SPATA17: variants seen among roughly 807,000 people sequenced by gnomAD.
The protein encoded by SPATA17 is spermatogenesis-associated protein 17.
SPATA17 carries 53 observed loss-of-function variants against 62.2 expected under a neutral mutation model. That is an observed-to-expected ratio of 0.85 (90% CI 0.68 to 1.07). SPATA17 has a LOEUF of 1.07. SPATA17 is among the 50% of genes least tolerant of loss of function. The pLI is 0.00. For synonymous variants in SPATA17, 146 were observed against 146.8 expected, an observed-to-expected ratio of 0.99 and a Z score of 0.04; for missense variants, 466 against 425.5, an observed-to-expected ratio of 1.10 and a Z score of -0.84.
intron 5 of SPATA17, among the ~76,000 whole-genome samples, chr1:217,703,614 T>G (rs1671654759): frequency 6.6e-6 from 1 of 152,242 alleles, no homozygotes; most frequent in African/African-American, 2.4e-5. Context: ...ACAATGTATC[T>G]AAGAATTTAA....
intron 5 of SPATA17, among the ~76,000 whole-genome samples, chr1:217,703,414 C>T (rs187968611): frequency 3.0e-4 from 45 of 152,098 alleles, no homozygotes; most frequent in African/African-American, 9.2e-4. Flanking sequence ...TCAGGTGATC[C>T]GCTGGCCTTG....
intron 3 of SPATA17, among the ~76,000 whole-genome samples, chr1:217,665,007 T>G (rs1052305341): frequency 2.0e-5 from 3 of 152,072 alleles, no homozygotes; most frequent in African/African-American, 7.2e-5. Flanking sequence ...GTGCAGTAAT[T>G]TGATCAGATT....
intron 6 of SPATA17, among the ~76,000 whole-genome samples, chr1:217,764,444 T>G (rs1304719734): frequency 2.6e-5 from 4 of 152,168 alleles, no homozygotes; most frequent in African/African-American, 9.6e-5. Flanking sequence ...AAATATTATT[T>G]CATTGTTAGA....
At chr1:217,744,462 C>CAAAA (rs766645844) in intron 6 of SPATA17, among the ~76,000 whole-genome samples, 1,901 of 30,368 alleles carry the variant, frequency 0.063, 322 homozygotes, top group African/African-American at 0.15. Flanking sequence ...GACTCCGTCT[C>CAAAA]AAAAAAAAAA....
chr1:217,721,734 A>G (rs1672132232), intron 5 of SPATA17, among the ~76,000 whole-genome samples: 1 of 152,224 alleles, frequency 6.6e-6, no homozygotes, highest in Admixed American at 6.5e-5. Context: ...CAAGAAAAAC[A>G]TGAGAGTACT....
intron 3 of SPATA17, among the ~76,000 whole-genome samples, chr1:217,659,630 T>C (rs1411991639): frequency 2.0e-5 from 3 of 152,088 alleles, no homozygotes; most frequent in Non-Finnish European, 2.9e-5. Flanking sequence ...TCCTGATCCA[T>C]ATATATCTAT....
In SPATA17 at chr1:217,649,766, C is replaced by T. The variant is rs535677357; in HGVS notation, c.158+795C>T. Among the ~76,000 whole-genome samples, 12 of 150,346 alleles carry T rather than the reference C, an allele frequency of 8.0e-5. No individual in the cohort carries two copies. The East Asian group carries it at 2.3e-3, about 29-fold the overall frequency. On this transcript the variant is annotated intron_variant, in intron 2 of 10. Transcript: ENST00000366933. ...TTTTTTTTCAGTGCCCAAACTTTCC[C>T]TCAGTGTCCCATCAATTCTTAAAAA...
chr1:217,678,743 A>G (rs1671011057), intron 4 of SPATA17, among the ~76,000 whole-genome samples: 1 of 152,164 alleles, frequency 6.6e-6, no homozygotes, highest in Non-Finnish European at 1.5e-5. Flanking sequence ...CATTGATTTG[A>G]CTAGCTTAAG....
chr1:217,749,985 C>CTCTCTCTGTATATA, intron 6 of SPATA17, among the ~76,000 whole-genome samples: 2 of 12,316 alleles, frequency 1.6e-4, no homozygotes, highest in African/African-American at 6.1e-4. Flanking sequence ...CTCTCTCTCT[C>CTCTCTCTGTATATA]TATATATATA....
intron 8 of SPATA17, among the ~76,000 whole-genome samples, chr1:217,792,679 C>T (rs1310896627): frequency 6.6e-6 from 1 of 152,006 alleles, no homozygotes; most frequent in Non-Finnish European, 1.5e-5. Context: ...AGGCTTGGAA[C>T]AAAATAGACA....
intron 3 of SPATA17, among the ~76,000 whole-genome samples, chr1:217,659,391 A>C (rs551586264): frequency 1.3e-5 from 2 of 152,298 alleles, no homozygotes; most frequent in South Asian, 4.1e-4. Flanking sequence ...TTATGCAGAC[A>C]GTGGGGAATA....
intron 9 of SPATA17, among the ~76,000 whole-genome samples, chr1:217,816,209 C>T (rs563678253): frequency 4.1e-4 from 62 of 151,946 alleles, no homozygotes; most frequent in Non-Finnish European, 7.7e-4. Flanking sequence ...CTTTGTCTCT[C>T]AATTTATTAA....
chr1:217,814,053 G>C (rs1049565659), intron 9 of SPATA17, among the ~76,000 whole-genome samples: 1 of 151,754 alleles, frequency 6.6e-6, no homozygotes, highest in Non-Finnish European at 1.5e-5. Context: ...GATACAACAG[G>C]GTTCCTGATT....
chr1:217,785,107 A>C (rs1416420789), intron 8 of SPATA17: 17 of 152,158 alleles, frequency 1.1e-4, no homozygotes. Flanking sequence ...TTCTAGAAGC[A>C]TTCCTCTGAT....
intron 4 of SPATA17, among the ~76,000 whole-genome samples, chr1:217,673,412 C>G (rs1670873428): frequency 6.6e-6 from 1 of 152,104 alleles, no homozygotes; most frequent in African/African-American, 2.4e-5. Context: ...CCCTGTTCCT[C>G]CTGTTTCTCT....
At chr1:217,858,663 G>A (rs1273382144) in intron 9 of SPATA17, among the ~76,000 whole-genome samples, 1 of 152,128 alleles carries the variant, frequency 6.6e-6, no homozygotes, top group African/African-American at 2.4e-5. Flanking sequence ...TGAGGTGGGA[G>A]GATCCCTTGA....
chr1:217,634,721 T>G (rs914928060), intron 1 of SPATA17, among the ~76,000 whole-genome samples: 1 of 152,222 alleles, frequency 6.6e-6, no homozygotes, highest in African/African-American at 2.4e-5. Flanking sequence ...TTATCATCTT[T>G]GTTTTAAACT....
intron 9 of SPATA17, among the ~76,000 whole-genome samples, chr1:217,840,245 T>A (rs1675361187): frequency 1.3e-5 from 2 of 152,172 alleles, no homozygotes; most frequent in Non-Finnish European, 2.9e-5. Context: ...TATTGCTGTT[T>A]CCTTTGGAGT....
intron 6 of SPATA17, among the ~76,000 whole-genome samples, chr1:217,747,870 A>T (rs1372288187): frequency 1.3e-5 from 2 of 152,228 alleles, no homozygotes; most frequent in Admixed American, 6.5e-5. Context: ...TTTATGATTT[A>T]AAAAGACCCT....
Sources: allele counts gnomAD v4.1 joint callset (sites outside exome capture counted in the v4.1 genomes callset), GRCh38; gene constraint gnomAD v4.1.1; transcripts MANE v1.5; gene names NCBI Gene and HGNC (gene_info 2026-07-23, HGNC 2026-07-21).